Variants in FGF12 observed in about 807,000 individuals in gnomAD.
FGF12 encodes the protein fibroblast growth factor 12, also known as fibroblast growth factor 12B.
Under a neutral mutation model 23.6 loss-of-function variants are expected in FGF12, and 14 were observed. The ratio of observed to expected loss-of-function variants is 0.59; its 90% CI spans 0.39 to 0.93. The LOEUF (loss-of-function observed/expected upper bound fraction) is 0.93. FGF12 is among the 40% of genes least tolerant of loss of function. The pLI, the probability that FGF12 is intolerant of heterozygous loss-of-function variation, is 0.00. For missense variants in FGF12, 175 were observed against 217.8 expected, an observed-to-expected ratio of 0.80 and a Z score of 1.24; for synonymous variants, 62 against 77.3, an observed-to-expected ratio of 0.80 and a Z score of 1.04.
intron 2 of FGF12, among the ~76,000 whole-genome samples, chr3:192,500,445 C>T (rs6775680): frequency 1.3e-5 from 2 of 151,658 alleles, no homozygotes; most frequent in African/African-American, 4.9e-5. Flanking sequence ...CATCCCCCCA[C>T]CCGCCACACA....
chr3:192,664,195 TA>T (rs1310182750), intron 2 of FGF12, among the ~76,000 whole-genome samples: 3 of 152,202 alleles, frequency 2.0e-5, no homozygotes, highest in Non-Finnish European at 2.9e-5. Flanking sequence ...TCATGAGATA[TA>T]AAAAGATACC....
chr3:192,524,600 G>A (rs1724898248), intron 2 of FGF12, among the ~76,000 whole-genome samples: 1 of 152,192 alleles, frequency 6.6e-6, no homozygotes, highest in Non-Finnish European at 1.5e-5. Context: ...CCCCTTTAAG[G>A]TGATTGTTAT....
chr3:192,191,128 A>T (rs1433868031), intron 4 of FGF12, among the ~76,000 whole-genome samples: 2 of 152,226 alleles, frequency 1.3e-5, no homozygotes, highest in Admixed American at 1.3e-4. Context: ...CTACCCTGAC[A>T]TAATATGGAG....
chr3:192,649,702 T>C (rs1456458491), intron 2 of FGF12, among the ~76,000 whole-genome samples: 2 of 150,912 alleles, frequency 1.3e-5, no homozygotes, highest in African/African-American at 4.9e-5. Context: ...ATTATAGGCG[T>C]GCACCGTCAC....
At position 192,582,654 on chromosome 3, in the gene FGF12, T is replaced by C. The variant is rs191357112; in HGVS notation, c.13+144527A>G. 1.8e-4 allele frequency among the ~76,000 whole-genome samples: 27 copies of C among 150,014 alleles called. No homozygotes were observed. In the East Asian group the frequency reaches 5.3e-3, roughly 29 times the overall value. On this transcript the variant is annotated intron_variant, in intron 2 of 5. Coordinates refer to ENST00000445105, the MANE Select transcript of FGF12 (RefSeq NM_004113.6). ...GTCCTGGTGGTTGGTGATTAGAAAATGGAGCAGGAAATGCTTCCACAGCTA... is the reference window on the plus strand; with the variant it reads ...GTCCTGGTGGTTGGTGATTAGAAAACGGAGCAGGAAATGCTTCCACAGCTA...
At chr3:192,223,144 T>C (rs933381913) in intron 4 of FGF12, among the ~76,000 whole-genome samples, 2 of 152,124 alleles carry the variant, frequency 1.3e-5, no homozygotes, top group African/African-American at 2.4e-5. Flanking sequence ...CTATGTACCT[T>C]CAACACATTT....
At chr3:192,371,189 A>G (rs1402143231) in intron 2 of FGF12, among the ~76,000 whole-genome samples, 1 of 152,234 alleles carries the variant, frequency 6.6e-6, no homozygotes, top group African/African-American at 2.4e-5. Context: ...TAAAATCTTA[A>G]GATTTCAGAG....
At chr3:192,442,570 C>T (rs1333387795) in intron 2 of FGF12, among the ~76,000 whole-genome samples, 1 of 152,094 alleles carries the variant, frequency 6.6e-6, no homozygotes, top group Non-Finnish European at 1.5e-5. Context: ...GAAAAGAAGT[C>T]AAGATTACAC....
chr3:192,665,773 T>G (rs1023019729), intron 2 of FGF12, among the ~76,000 whole-genome samples: 6 of 125,776 alleles, frequency 4.8e-5, no homozygotes, highest in African/African-American at 1.8e-4. Context: ...ATCCCAGAAC[T>G]TAAAGTAAAA....
intron 2 of FGF12, among the ~76,000 whole-genome samples, chr3:192,520,796 C>A (rs1451996287): frequency 6.6e-6 from 1 of 152,116 alleles, no homozygotes; most frequent in African/African-American, 2.4e-5. Flanking sequence ...CCATGCACTG[C>A]CTATAGGTAA....
At chr3:192,254,051 T>C (rs1712213033) in intron 4 of FGF12, among the ~76,000 whole-genome samples, 1 of 151,896 alleles carries the variant, frequency 6.6e-6, no homozygotes, top group Non-Finnish European at 1.5e-5. Context: ...TTAAATCCAC[T>C]CTCTCAGTGA....
At chr3:192,268,797 ATTTC>A (rs1232157469) in intron 4 of FGF12, 1 of 332,520 alleles carries the variant, frequency 3.0e-6, no homozygotes, top group Admixed American at 3.2e-5. Context: ...AGTCTCAAGT[ATTTC>A]TTTATAGCAA....
rs139554062 is a variant in FGF12 at position 192,436,118 on chromosome 3, C to T, written c.14-75580G>A. Among the ~76,000 whole-genome samples, 651 of 152,238 alleles carry T rather than the reference C, an allele frequency of 4.3e-3. 6 individuals carry two copies. Among genetic ancestry groups the T allele is most frequent in the African/African-American group, 0.014 (581 of 41,548 alleles). On this transcript the variant is annotated intron_variant, in intron 2 of 5. Coordinates refer to ENST00000445105, the MANE Select transcript of FGF12 (RefSeq NM_004113.6). ...TGGAGCTCTGAAGGAAACAGAAGAA[C>T]GTGACCTCAGGACAATACTGTCATA...
intron 2 of FGF12, among the ~76,000 whole-genome samples, chr3:192,427,016 G>A (rs908188567): frequency 3.3e-5 from 5 of 152,098 alleles, no homozygotes; most frequent in Admixed American, 1.3e-4. Context: ...TTTATGGCAC[G>A]CAGTATGTGC....
At chr3:192,432,620 CAA>C (rs201364119) in intron 2 of FGF12, among the ~76,000 whole-genome samples, 34 of 106,732 alleles carry the variant, frequency 3.2e-4, no homozygotes, top group African/African-American at 1.0e-3. Context: ...TGACATCTGG[CAA>C]AAAAAAAAAA....
intron 2 of FGF12, among the ~76,000 whole-genome samples, chr3:192,701,690 A>T (rs1489766289): frequency 6.6e-6 from 1 of 152,160 alleles, no homozygotes; most frequent in African/African-American, 2.4e-5. Flanking sequence ...AGCAAGACAC[A>T]TCTTTTATGA....
At chr3:192,265,929 T>G (rs1463527836) in intron 4 of FGF12, among the ~76,000 whole-genome samples, 1 of 152,174 alleles carries the variant, frequency 6.6e-6, no homozygotes, top group Non-Finnish European at 1.5e-5. Flanking sequence ...ACTGAATCTC[T>G]GCAAGCTTCC....
At chr3:192,466,352 C>T (rs80128133) in intron 2 of FGF12, among the ~76,000 whole-genome samples, 14 of 152,092 alleles carry the variant, frequency 9.2e-5, no homozygotes, top group South Asian at 2.1e-4. Context: ...AGAATGTATG[C>T]GTGGTCTTCG....
In FGF12 at chr3:192,269,060, G is replaced by A. The variant is rs148431432; in HGVS notation, c.228+66301C>T. 5.2e-3 allele frequency among the ~76,000 whole-genome samples: 791 copies of A among 152,006 alleles called. 2 individuals carry two copies. The highest frequency in any genetic ancestry group is 0.029 in the South Asian group (138 of 4,796). ...CTCCCTAGTAGCTGGGATTACAGGCGTGTGCCACCACGCCTGGCTAATTTT... is the reference window on the plus strand; with the variant it reads ...CTCCCTAGTAGCTGGGATTACAGGCATGTGCCACCACGCCTGGCTAATTTT... On this transcript the variant is annotated intron_variant, in intron 4 of 5. Transcript: ENST00000445105.
Sources: allele counts gnomAD v4.1 joint callset (sites outside exome capture counted in the v4.1 genomes callset), GRCh38; gene constraint gnomAD v4.1.1; transcripts MANE v1.5; gene names NCBI Gene and HGNC (gene_info 2026-07-23, HGNC 2026-07-21).